The following DCLK2 variants were observed in gnomAD, a reference collection of about 807,000 sequenced individuals.
The protein encoded by DCLK2 is serine/threonine-protein kinase DCLK2.
Under a neutral mutation model 78.4 loss-of-function variants are expected in DCLK2, and 31 were observed. The ratio of observed to expected loss-of-function variants is 0.40; its 90% CI spans 0.30 to 0.53. The LOEUF is 0.53. Among genes scored for constraint, DCLK2 ranks in the 20% least tolerant of loss-of-function variants. The pLI, the probability that DCLK2 is intolerant of heterozygous loss-of-function variation, is 0.61. For missense variants in DCLK2, 872 were observed against 973.7 expected, an observed-to-expected ratio of 0.90 and a Z score of 1.39; for synonymous variants, 407 against 374.9, an observed-to-expected ratio of 1.09 and a Z score of -0.99.
chr4:150,176,685 T>G (rs1737114738), intron 2 of DCLK2, among the ~76,000 whole-genome samples: 1 of 152,206 alleles, frequency 6.6e-6, no homozygotes, highest in Non-Finnish European at 1.5e-5. Context: ...GCCTCCTTGT[T>G]GGGAAGGGAA....
intron 2 of DCLK2, among the ~76,000 whole-genome samples, chr4:150,124,245 G>A (rs186240864): frequency 6.6e-6 from 1 of 152,162 alleles, no homozygotes; most frequent in African/African-American, 2.4e-5. Flanking sequence ...GACTGTTAGC[G>A]ATGAAGCAAC....
intron 8 of DCLK2, among the ~76,000 whole-genome samples, chr4:150,229,967 G>A (rs1409453022): frequency 1.3e-5 from 2 of 152,144 alleles, no homozygotes; most frequent in Non-Finnish European, 2.9e-5. Flanking sequence ...ACAAGAAATA[G>A]ATAACGTTTG....
At chr4:150,207,008 G>A (rs528059945) in intron 5 of DCLK2, among the ~76,000 whole-genome samples, 1 of 152,234 alleles carries the variant, frequency 6.6e-6, no homozygotes, top group Non-Finnish European at 1.5e-5. Context: ...TAATTACCGT[G>A]TGTTAGTACT....
intron 10 of DCLK2, among the ~76,000 whole-genome samples, chr4:150,233,182 T>C (rs1045063831): frequency 6.6e-6 from 1 of 152,150 alleles, no homozygotes; most frequent in Admixed American, 6.5e-5. Context: ...AAGCACCTTC[T>C]TCACATGGTG....
chr4:150,198,674 T>G (rs1296056540), intron 4 of DCLK2, among the ~76,000 whole-genome samples: 1 of 152,208 alleles, frequency 6.6e-6, no homozygotes. Context: ...TTTTAAACAT[T>G]AAAAACATAC....
intron 2 of DCLK2, among the ~76,000 whole-genome samples, chr4:150,126,654 C>A (rs1016592495): frequency 6.6e-6 from 1 of 152,108 alleles, no homozygotes; most frequent in Non-Finnish European, 1.5e-5. Flanking sequence ...TTTAGACTTA[C>A]AAAAATTGCA....
chr4:150,192,945 C>G (rs1738576663), intron 2 of DCLK2, among the ~76,000 whole-genome samples, 193 bp from the exon 3 acceptor site: 1 of 152,192 alleles, frequency 6.6e-6, no homozygotes, highest in Non-Finnish European at 1.5e-5. Flanking sequence ...ATCCTTGACT[C>G]TGTTGTTCTG....
intron 15 of DCLK2, among the ~76,000 whole-genome samples, chr4:150,250,516 C>G (rs1743692228): frequency 2.0e-5 from 3 of 151,952 alleles, no homozygotes; most frequent in Admixed American, 2.0e-4. Context: ...CACACACTCC[C>G]AGGAGCAGGG....
chr4:150,093,486 A>G (rs569143875), intron 1 of DCLK2, among the ~76,000 whole-genome samples: 2 of 152,216 alleles, frequency 1.3e-5, no homozygotes, highest in Non-Finnish European at 2.9e-5. Context: ...TGTTTAAGCT[A>G]TTCTCGTGCC....
intron 2 of DCLK2, among the ~76,000 whole-genome samples, chr4:150,108,608 G>C (rs1468591555): frequency 6.6e-6 from 1 of 151,594 alleles, no homozygotes; most frequent in Non-Finnish European, 1.5e-5. Flanking sequence ...TAAGTTAAAG[G>C]GATTGTATAG....
At chr4:150,141,655 G>T (rs1734110035) in intron 2 of DCLK2, among the ~76,000 whole-genome samples, 2 of 152,146 alleles carry the variant, frequency 1.3e-5, no homozygotes, top group Non-Finnish European at 2.9e-5. Context: ...ATGGCACAGA[G>T]AATTTTTAAG....
chr4:150,221,555 T>G (rs1580744166), intron 6 of DCLK2, 122 bp from the exon 7 acceptor site: 1 of 596,162 alleles, frequency 1.7e-6, no homozygotes, highest in East Asian at 3.3e-5. Context: ...GTGCAGATAT[T>G]TTATTTAGTT....
intron 8 of DCLK2, 118 bp downstream of exon 8, chr4:150,224,676 C>T (rs1741462889): frequency 1.4e-6 from 1 of 715,190 alleles, no homozygotes; most frequent in East Asian, 2.8e-5. Flanking sequence ...GAGTAGAGAC[C>T]AGTAATAGTG....
At chr4:150,208,391 T>G (rs1186847457) in intron 5 of DCLK2, among the ~76,000 whole-genome samples, 2 of 124,058 alleles carry the variant, frequency 1.6e-5, no homozygotes, top group African/African-American at 6.0e-5. Context: ...AAACGGAGTT[T>G]TTTTTTTTGT....
rs10029256 is a variant in DCLK2 at position 150,095,838 on chromosome 4, A to G, written c.422-6640A>G. Among the ~76,000 whole-genome samples, 284 of 152,290 alleles carry G rather than the reference A, an allele frequency of 1.9e-3. 1 individual carries two copies. The highest frequency in any genetic ancestry group is 6.6e-3 in the African/African-American group (276 of 41,562). On this transcript the variant is annotated intron_variant, in intron 1 of 15. Transcript: ENST00000296550. ...GTCAGTGGAAGAGAGACAAGGAGAG[A>G]GGAGGAAGGTTATTTCCGGCGTATA...
chr4:150,237,530 A>C (rs1225238800), intron 10 of DCLK2, among the ~76,000 whole-genome samples: 2 of 152,210 alleles, frequency 1.3e-5, no homozygotes, highest in Non-Finnish European at 2.9e-5. Context: ...AAGGTGAAAC[A>C]TATTCTTATT....
At chr4:150,156,070 C>G (rs1462787174) in intron 2 of DCLK2, among the ~76,000 whole-genome samples, 1 of 151,958 alleles carries the variant, frequency 6.6e-6, no homozygotes, top group Non-Finnish European at 1.5e-5. Context: ...GAAATTCTGC[C>G]AAGCGGTCGT....
At chr4:150,175,080 A>ATT (rs1736912337) in intron 2 of DCLK2, among the ~76,000 whole-genome samples, 7 of 7,250 alleles carry the variant, frequency 9.7e-4, no homozygotes, top group African/African-American at 1.7e-3. Flanking sequence ...ATATTTATAT[A>ATT]TTTATATATA....
intron 2 of DCLK2, among the ~76,000 whole-genome samples, chr4:150,184,762 C>T (rs1188277855): frequency 1.3e-5 from 2 of 151,956 alleles, no homozygotes; most frequent in South Asian, 2.1e-4. Context: ...CCACCATGCC[C>T]GGCTAATTTT....
Sources: gnomAD v4.1 joint callset for allele counts (sites outside exome capture counted in the v4.1 genomes callset) on GRCh38, gnomAD v4.1.1 for gene constraint, MANE v1.5 for transcripts, NCBI Gene and HGNC (gene_info 2026-07-23, HGNC 2026-07-21) for gene names.